HLCS: variants seen among roughly 807,000 people sequenced by gnomAD.
The protein encoded by HLCS is holocarboxylase synthetase, also known as biotin--protein ligase.
In HLCS, 53 loss-of-function variants were observed where a neutral mutation model predicts 75.0. The observed-to-expected ratio is 0.71, with a 90% CI of 0.57 to 0.89. The LOEUF (loss-of-function observed/expected upper bound fraction) is 0.89. Ranked by LOEUF, HLCS falls within the 40% of genes least tolerant of loss-of-function variation. HLCS has a pLI of 0.00. For missense variants in HLCS, 966 were observed against 1,074.0 expected, an observed-to-expected ratio of 0.90 and a Z score of 1.41; for synonymous variants, 431 against 428.6, an observed-to-expected ratio of 1.01 and a Z score of -0.07.
rs764365293 is a variant in HLCS, at chr21:36,930,271, A to G, written c.1600T>C (p.Tyr534His). 2.5e-6 allele frequency: 4 copies of G among 1,614,060 alleles called. No individual in the cohort carries two copies. In the South Asian group the frequency reaches 4.4e-5, roughly 18 times the overall value. Residue 534 changes from tyrosine (Y) to histidine (H), a missense_variant, in exon 5 of 11, where the codon TAC becomes CAC. Coordinates refer to ENST00000674895, the MANE Select transcript of HLCS (RefSeq NM_001352514.2). ...MKQVPALTPL[Y>H]LLSAAEEIRD... is the part of the protein sequence containing the mutation. ...CTCACCTCCGCAGCTGACAGCAAGT[A>G]AAGAGGAGTTAAGGCAGGAACTTGT...
At chr21:36,962,269 A>T in intron 1 of HLCS, 99 bp from the exon 2 acceptor site, 2 of 782,164 alleles carry the variant, frequency 2.6e-6, no homozygotes, top group Non-Finnish European at 3.6e-6. Flanking sequence ...TATAATTCCA[A>T]GTGACATGGA....
At chr21:36,820,757 TG>T (rs1192200564) in intron 6 of HLCS, among the ~76,000 whole-genome samples, 1 of 152,214 alleles carries the variant, frequency 6.6e-6, no homozygotes, top group African/African-American at 2.4e-5. Flanking sequence ...GACAGGCTCC[TG>T]GGCAGAAAGT....
chr21:36,955,816 G>T (rs1197477333), intron 2 of HLCS, among the ~76,000 whole-genome samples: 3 of 152,170 alleles, frequency 2.0e-5, no homozygotes, highest in Non-Finnish European at 1.5e-5. Flanking sequence ...TCCATTCATA[G>T]CAAGTGCCCT....
intron 6 of HLCS, among the ~76,000 whole-genome samples, chr21:36,813,606 G>C (rs558458932): frequency 5.9e-5 from 9 of 152,292 alleles, no homozygotes; most frequent in African/African-American, 1.9e-4. Flanking sequence ...TTACAAGTTG[G>C]AAAAATGTGT....
intron 6 of HLCS, among the ~76,000 whole-genome samples, chr21:36,849,010 G>T (rs2062893490): frequency 6.6e-6 from 1 of 152,160 alleles, no homozygotes; most frequent in South Asian, 2.1e-4. Context: ...GTCCATTCTA[G>T]AATGGCAATA....
upstream of HLCS, among the ~76,000 whole-genome samples, chr21:36,968,005 C>T (rs1380208543): frequency 6.6e-6 from 1 of 152,110 alleles, no homozygotes; most frequent in South Asian, 2.1e-4. Context: ...CAGGCGTGAA[C>T]CACCGCGCCC....
At chr21:36,954,031 C>T (rs1239963572) in intron 2 of HLCS, among the ~76,000 whole-genome samples, 2 of 152,266 alleles carry the variant, frequency 1.3e-5, no homozygotes, top group African/African-American at 4.8e-5. Flanking sequence ...CAAGGCCAGA[C>T]GCAGTGGCTG....
chr21:36,920,734 T>G (rs2066128380), intron 5 of HLCS, among the ~76,000 whole-genome samples: 1 of 152,150 alleles, frequency 6.6e-6, no homozygotes, highest in African/African-American at 2.4e-5. Context: ...ACACTACACC[T>G]AACCCCAACA....
chr21:36,881,279 T>A (rs1014736741), intron 6 of HLCS, among the ~76,000 whole-genome samples: 1 of 151,938 alleles, frequency 6.6e-6, no homozygotes, highest in African/African-American at 2.4e-5. Context: ...CCGGCAGAGA[T>A]TTTTCTTCTC....
chr21:36,971,869 T>C (rs10084551), intron 1 of HLCS: 93,207 of 151,280 alleles, frequency 0.62, 29,021 homozygotes, highest in East Asian at 0.75. Flanking sequence ...AATCCATGGT[T>C]ATCCTCAATA....
chr21:36,772,657 A>G (rs905699349), intron 6 of HLCS, among the ~76,000 whole-genome samples: 13 of 151,204 alleles, frequency 8.6e-5, no homozygotes, highest in African/African-American at 2.9e-4. Flanking sequence ...AAAAAAAAAA[A>G]AAGAAGGACA....
In HLCS at chr21:36,773,568, C is replaced by T. The variant is rs150359543; in HGVS notation, c.1893-6283G>A. On this transcript the variant is annotated intron_variant, in intron 6 of 10. Transcript: ENST00000674895. ...TCGGGCCTGGAGGGCTTCCTCAGCT[C>T]ATGGTCCTGGCCTGACACCAGTCTG... 5.0e-3 allele frequency among the ~76,000 whole-genome samples: 756 copies of T among 152,360 alleles called. 2 individuals are homozygous for T. Among genetic ancestry groups the T allele is most frequent in the African/African-American group, 0.015 (612 of 41,576 alleles).
At chr21:36,958,957 AG>A (rs2068122755) in intron 2 of HLCS, among the ~76,000 whole-genome samples, 1 of 152,234 alleles carries the variant, frequency 6.6e-6, no homozygotes, top group Non-Finnish European at 1.5e-5. Context: ...AGCTGCAGCC[AG>A]TCTGGAGCAG....
chr21:36,845,747 T>G (rs890889972), intron 6 of HLCS, among the ~76,000 whole-genome samples: 1 of 152,130 alleles, frequency 6.6e-6, no homozygotes, highest in African/African-American at 2.4e-5. Flanking sequence ...AATCGTTACT[T>G]GTGCTAAGTA....
chr21:36,824,859 G>A (rs1020835487), intron 6 of HLCS, among the ~76,000 whole-genome samples: 4 of 152,124 alleles, frequency 2.6e-5, no homozygotes, highest in African/African-American at 7.2e-5. Flanking sequence ...CTGAAGAGAC[G>A]GCAGCCAAAT....
intron 6 of HLCS, among the ~76,000 whole-genome samples, chr21:36,774,793 T>G (rs2060307515): frequency 6.6e-6 from 1 of 152,210 alleles, no homozygotes; most frequent in Non-Finnish European, 1.5e-5. Context: ...CTGAACCTAC[T>G]CAGCAAAGCT....
At chr21:36,851,781 A>G (rs1275604902) in intron 6 of HLCS, 1 of 152,264 alleles carries the variant, frequency 6.6e-6, no homozygotes, top group Non-Finnish European at 1.5e-5. Context: ...AATATCCCAT[A>G]TACCCCATAA....
At chr21:36,764,359 T>C (rs912818744) in intron 8 of HLCS, among the ~76,000 whole-genome samples, 1 of 152,194 alleles carries the variant, frequency 6.6e-6, no homozygotes, top group African/African-American at 2.4e-5. Flanking sequence ...ATGGCGCCAC[T>C]GCACTCCAGC....
At chr21:36,788,725 C>T (rs1357686764) in intron 6 of HLCS, among the ~76,000 whole-genome samples, 1 of 152,114 alleles carries the variant, frequency 6.6e-6, no homozygotes, top group African/African-American at 2.4e-5. Context: ...GTTATAAAAA[C>T]TCAAAGGAAC....
Sources: gnomAD v4.1 joint callset for allele counts (sites outside exome capture counted in the v4.1 genomes callset) on GRCh38, gnomAD v4.1.1 for gene constraint, MANE v1.5 for transcripts, NCBI Gene and HGNC (gene_info 2026-07-23, HGNC 2026-07-21) for gene names.